The following ABCC6 variants were observed in gnomAD, a reference collection of about 807,000 sequenced individuals.
The protein encoded by ABCC6 is ATP-binding cassette sub-family C member 6.
Under a neutral mutation model 169.5 loss-of-function variants are expected in ABCC6, and 126 were observed. The ratio of observed to expected loss-of-function variants is 0.74; its 90% confidence interval spans 0.64 to 0.86. The LOEUF is 0.86. Among genes scored for constraint, ABCC6 ranks in the 40% least tolerant of loss-of-function variants. The pLI is 0.00. For synonymous variants in ABCC6, 752 were observed against 814.7 expected (o/e 0.92, Z 1.31); for missense variants, 1,733 against 1,927.2 (o/e 0.90, Z 1.89).
intron 16 of ABCC6, 28 bp downstream of exon 16, chr16:16,182,776 C>T (rs1417911938): frequency 6.2e-7 from 1 of 1,613,570 alleles, no homozygotes; most frequent in Non-Finnish European, 8.5e-7. Flanking sequence ...TGGGGACATC[C>T]TAGCAGACAG....
Position 16,208,730 on chromosome 16 carries a change from C to G in ABCC6, c.792G>C (p.Arg264=), listed in dbSNP as rs2048484805. The part of the protein sequence containing the change: ...KEWMRNRSAA[R]RHNKAIAFKR... ...GTTCTTGACCTCCACCCACTTACCT[C>G]CGGGCTGCACTGCGGTTCCTCATCC... The change falls in exon 7 of 31, where the codon CGG becomes CGC. Residue 264 remains arginine (R), a splice_region_variant and synonymous_variant. Transcript: ENST00000205557. 1.2e-6 allele frequency: 2 copies of G among 1,613,364 alleles called. No homozygotes were observed. Among genetic ancestry groups the G allele is most frequent in the Non-Finnish European group, 8.5e-7 (1 of 1,179,440 alleles).
intron 14 of ABCC6, among the ~76,000 whole-genome samples, chr16:16,186,529 A>G (rs2047658233): frequency 6.6e-6 from 1 of 151,552 alleles, no homozygotes; most frequent in African/African-American, 2.4e-5. Context: ...AGCAGCAGCA[A>G]TAGATTCTCA....
rs1295744256 is a variant in ABCC6, at chr16:16,149,912, C to T, written c.*221G>A. 4.6e-5 allele frequency: 31 copies of T among 668,610 alleles called. No homozygotes were observed. Among genetic ancestry groups the T allele is most frequent in the South Asian group, 7.0e-5 (4 of 56,996 alleles). The allele number at this position is 668,610 out of a possible 1,614,324, so 41.4% of individuals were successfully genotyped here. Reference sequence around the variant, plus strand: ...GACATTGGCTGCAGGGTGGACAGGGCGAGATGGGCCCTGCCCGGGCAGACC... The same window carrying T: ...GACATTGGCTGCAGGGTGGACAGGGTGAGATGGGCCCTGCCCGGGCAGACC... On this transcript the variant is annotated 3_prime_UTR_variant, in exon 31 of 31. Transcript: ENST00000205557.
Position 16,177,483 on chromosome 16 carries a change from T to C in ABCC6, c.2559A>G (p.Gln853=). 1 of 1,614,192 alleles carries C rather than the reference T, an allele frequency of 6.2e-7. No individual in the cohort carries two copies. The highest frequency in any genetic ancestry group is 1.1e-5 in the South Asian group (1 of 91,086). ...RKGALMCLLD[Q]ARQPGDRGEG... is the part of the protein sequence containing the mutation. ...CTCCTCTATCTCCTGGCTGTCTGGC[T>C]TGATCCAGAAGACACATGAGGGCCC... The change falls in exon 19 of 31, where the codon CAA becomes CAG. Residue 853 remains glutamine, a synonymous_variant. Transcript: ENST00000205557.
At chr16:16,179,643 TGCAATG>T (rs1397995949) in intron 17 of ABCC6, among the ~76,000 whole-genome samples, 1 of 152,100 alleles carries the variant, frequency 6.6e-6, no homozygotes, top group African/African-American at 2.4e-5. Context: ...AGGCTGGGAG[TGCAATG>T]GCATGATCTT....
intron 26 of ABCC6, among the ~76,000 whole-genome samples, chr16:16,158,247 G>C (rs1347975306): frequency 6.6e-6 from 1 of 152,140 alleles, no homozygotes; most frequent in Non-Finnish European, 1.5e-5. Flanking sequence ...GTTTGCAATG[G>C]ACCAGGCACT....
Position 16,182,793 on chromosome 16 carries a change from G to C in ABCC6, c.2070+11C>G. ...GGGACATCCTAGCAGACAGGCTGGG[G>C]GTGGCCTCACCTCGATGCTCACGAA... On this transcript the variant is annotated intron_variant, in intron 16 of 30. Coordinates refer to ENST00000205557, the MANE Select transcript of ABCC6 (RefSeq NM_001171.6). 6.2e-7 allele frequency: 1 copy of C among 1,613,900 alleles called. No homozygotes were observed. The highest frequency in any genetic ancestry group is 8.5e-7 in the Non-Finnish European group (1 of 1,179,924).
chr16:16,189,769 A>G (rs1469830573), intron 12 of ABCC6, among the ~76,000 whole-genome samples: 10 of 152,152 alleles, frequency 6.6e-5, no homozygotes, highest in African/African-American at 2.2e-4. Context: ...TCTGACAGCA[A>G]TATGAAATAA....
chr16:16,209,419 A>G (rs2048517828), intron 6 of ABCC6, among the ~76,000 whole-genome samples: 1 of 152,012 alleles, frequency 6.6e-6, no homozygotes, highest in Admixed American at 6.6e-5. Flanking sequence ...TAAATGTATG[A>G]GTATATTATT....
Position 16,167,468 on chromosome 16 carries a change from G to A in ABCC6, c.2996-1535C>T, listed in dbSNP as rs144426755. The stretch of plus-strand genomic sequence containing the variant: ...CTTGTTGCTTAAACACTTTGAATTG[G>A]AGCTGAATTTGTTTATTTTCAGACG... On this transcript the variant is annotated intron_variant, in intron 22 of 30. Coordinates refer to ENST00000205557, the MANE Select transcript of ABCC6 (RefSeq NM_001171.6). Among the ~76,000 whole-genome samples the A allele has an allele frequency of 8.5e-4, 130 of 152,232 alleles. 1 individual carries two copies. The highest frequency in any genetic ancestry group is 6.8e-3 in the Middle Eastern group (2 of 294).
chr16:16,165,647 C>G lies in ABCC6; in HGVS notation c.3282G>C (p.Leu1094=), dbSNP rs755301606. 1.2e-6 allele frequency: 2 copies of G among 1,612,920 alleles called. No homozygotes were observed. Among genetic ancestry groups the G allele is most frequent in the Non-Finnish European group, 1.7e-6 (2 of 1,180,014 alleles). Residue 1094 remains leucine, a synonymous_variant, in exon 23 of 31, where the codon CTG becomes CTC. Transcript: ENST00000205557. The part of the protein sequence containing the change: ...TPLATVAILP[L]FLLYAGFQSL... The stretch of plus-strand genomic sequence containing the variant: ...CCTGAAACCCAGCGTAGAGGAGAAA[C>G]AGTGGCAGGATGGCCACAGTGGCCA...
At chr16:16,179,454 T>C (rs939476468) in intron 17 of ABCC6, among the ~76,000 whole-genome samples, 2 of 152,188 alleles carry the variant, frequency 1.3e-5, no homozygotes. Flanking sequence ...CCCAGCCTTT[T>C]TGGCACCAGG....
At chr16:16,206,193 G>T (rs1237796867) in intron 7 of ABCC6, among the ~76,000 whole-genome samples, 1 of 152,210 alleles carries the variant, frequency 6.6e-6, no homozygotes, top group Non-Finnish European at 1.5e-5. Context: ...CTCCCATCAA[G>T]GAAGATGTCC....
chr16:16,203,663 C>A, intron 7 of ABCC6, 50 bp from the exon 8 acceptor site: 1 of 1,607,776 alleles, frequency 6.2e-7, no homozygotes. Context: ...TACTCTCAGC[C>A]GCCAGCGGCA....
intron 10 of ABCC6, among the ~76,000 whole-genome samples, chr16:16,193,568 G>T (rs56299644): frequency 0.15 from 22,283 of 152,102 alleles, 1,968 homozygotes; most frequent in Middle Eastern, 0.21. Context: ...ATAAAAACTA[G>T]CCAGGTGTGG....
At chr16:16,190,749 G>A (rs2047823346) in intron 11 of ABCC6, among the ~76,000 whole-genome samples, 1 of 151,140 alleles carries the variant, frequency 6.6e-6, no homozygotes, top group Non-Finnish European at 1.5e-5. Flanking sequence ...GCCCAGGTTG[G>A]CCTCGAGCTC....
intron 7 of ABCC6, among the ~76,000 whole-genome samples, chr16:16,206,192 A>G (rs1173848057): frequency 6.6e-6 from 1 of 152,180 alleles, no homozygotes; most frequent in Non-Finnish European, 1.5e-5. Context: ...CCTCCCATCA[A>G]GGAAGATGTC....
intron 26 of ABCC6, 76 bp downstream of exon 26, chr16:16,159,406 G>A (rs1024789925): frequency 1.5e-5 from 20 of 1,332,034 alleles, no homozygotes; most frequent in Admixed American, 1.9e-5. Context: ...GCCTGTAGCA[G>A]ATGTCAACAG....
At chr16:16,154,478 G>C in intron 29 of ABCC6, 150 bp downstream of exon 29, 1 of 1,020,796 alleles carries the variant, frequency 9.8e-7, no homozygotes, top group Admixed American at 2.2e-5. Flanking sequence ...CTGTGTCAGA[G>C]CTTGGAATTG....
Sources: allele counts gnomAD v4.1 joint callset (sites outside exome capture counted in the v4.1 genomes callset), GRCh38; gene constraint gnomAD v4.1.1; transcripts MANE v1.5; gene names NCBI Gene and HGNC (gene_info 2026-07-23, HGNC 2026-07-21).